Variants in IL1RAPL2 observed in about 807,000 individuals in gnomAD.
The protein encoded by IL1RAPL2 is X-linked interleukin-1 receptor accessory protein-like 2.
In IL1RAPL2, 3 loss-of-function variants were observed where a neutral mutation model predicts 44.1. The ratio of observed to expected loss-of-function variants is 0.07; its 90% CI spans 0.03 to 0.18. The LOEUF is 0.18. Ranked by LOEUF, IL1RAPL2 falls within the 10% of genes least tolerant of loss-of-function variation. The pLI, the probability that IL1RAPL2 is intolerant of heterozygous loss-of-function variation, is 1.00. For synonymous variants in IL1RAPL2, 181 were observed against 178.8 expected, an observed-to-expected ratio of 1.01 and a Z score of -0.10; for missense variants, 391 against 496.4, an observed-to-expected ratio of 0.79 and a Z score of 2.02.
At chrX:105,315,852 C>T (rs1433694404) in intron 5 of IL1RAPL2, among the ~76,000 whole-genome samples, 3 of 107,105 alleles carry the variant, frequency 2.8e-5, no homozygotes, top group Non-Finnish European at 3.9e-5. Context: ...CTCCCTAGCC[C>T]CTGGCAACCA....
intron 2 of IL1RAPL2, among the ~76,000 whole-genome samples, chrX:105,090,918 C>A (rs147595329): frequency 3.1e-3 from 347 of 111,469 alleles, no homozygotes; most frequent in African/African-American, 0.01. Flanking sequence ...CTTTTGTTTT[C>A]TTTAATATGA....
intron 5 of IL1RAPL2, among the ~76,000 whole-genome samples, chrX:105,382,757 T>TA (rs1556304198): frequency 9.6e-6 from 1 of 104,449 alleles, no homozygotes; most frequent in Non-Finnish European, 1.9e-5. Context: ...TAAGAAAATG[T>TA]GCACATAAAC....
At chrX:104,598,462 G>T (rs987907575) in intron 1 of IL1RAPL2, among the ~76,000 whole-genome samples, 9 of 112,102 alleles carry the variant, frequency 8.0e-5, no homozygotes, top group Non-Finnish European at 1.9e-5. Context: ...AATGAGGGGA[G>T]AATTTCACTG....
At chrX:105,627,462 T>G (rs1209513771) in intron 6 of IL1RAPL2, among the ~76,000 whole-genome samples, 2 of 111,439 alleles carry the variant, frequency 1.8e-5, no homozygotes, top group Non-Finnish European at 3.8e-5. Flanking sequence ...AACGCTGCTT[T>G]CAAACTAGAA....
chrX:105,137,808 A>G (rs1461531215), intron 2 of IL1RAPL2, among the ~76,000 whole-genome samples: 13 of 112,310 alleles, frequency 1.2e-4, no homozygotes, highest in Non-Finnish European at 1.1e-4. Flanking sequence ...GTTCACACCT[A>G]TAATCTCAAC....
chrX:104,634,486 T>C (rs1186194310), intron 1 of IL1RAPL2, among the ~76,000 whole-genome samples: 1 of 111,606 alleles, frequency 9.0e-6, no homozygotes, highest in Non-Finnish European at 1.9e-5. Context: ...TCTATGTCTC[T>C]TTGTAGGTCT....
chrX:104,648,908 T>A (rs779131861), intron 1 of IL1RAPL2, among the ~76,000 whole-genome samples: 1 of 111,657 alleles, frequency 9.0e-6, no homozygotes, highest in East Asian at 2.8e-4. Context: ...TAGTTACTTA[T>A]GCCAGTTTTT....
At chrX:105,083,607 A>G (rs116715600) in intron 2 of IL1RAPL2, among the ~76,000 whole-genome samples, 2,210 of 112,046 alleles carry the variant, frequency 0.02, 54 homozygotes, top group African/African-American at 0.068. Flanking sequence ...CCATCAAATT[A>G]ACAGTGGATC....
intron 5 of IL1RAPL2, among the ~76,000 whole-genome samples, chrX:105,453,251 G>A (rs1271813286): frequency 8.9e-6 from 1 of 111,969 alleles, no homozygotes; most frequent in Non-Finnish European, 1.9e-5. Flanking sequence ...CTTTGACACA[G>A]GGTAAACTCT....
chrX:104,950,488 G>A lies in IL1RAPL2; in HGVS notation c.83-244987G>A, dbSNP rs750604239. ...GGCAGGCAGGCCTCCTTGAGCTGTG[G>A]TGGGCTCCACCCATTTCGAGCTTCG... On this transcript the variant is annotated intron_variant, in intron 2 of 10. Transcript: ENST00000372582. Among the ~76,000 whole-genome samples the A allele has an allele frequency of 8.9e-5, 10 of 112,521 alleles. No individual in the cohort carries two copies. The South Asian group carries it at 2.9e-3, about 33-fold the overall frequency.
intron 5 of IL1RAPL2, among the ~76,000 whole-genome samples, chrX:105,452,760 A>T (rs1176612578): frequency 9.0e-6 from 1 of 111,125 alleles, no homozygotes; most frequent in Admixed American, 9.6e-5. Flanking sequence ...TCAATTAAAG[A>T]TTTTTCTATA....
intron 2 of IL1RAPL2, among the ~76,000 whole-genome samples, chrX:104,827,076 T>A (rs1018226269): frequency 9.2e-6 from 1 of 108,755 alleles, no homozygotes; most frequent in East Asian, 2.9e-4. Flanking sequence ...TGACTCTTTA[T>A]CCAATTTGCC....
At chrX:105,298,634 A>T (rs2034672729) in intron 5 of IL1RAPL2, among the ~76,000 whole-genome samples, 1 of 110,290 alleles carries the variant, frequency 9.1e-6, no homozygotes, top group Non-Finnish European at 1.9e-5. Flanking sequence ...AGGAGTGGAT[A>T]TGCAATCTTG....
At chrX:104,721,748 T>C (rs1417359082) in intron 2 of IL1RAPL2, among the ~76,000 whole-genome samples, 1 of 111,534 alleles carries the variant, frequency 9.0e-6, no homozygotes, top group East Asian at 2.8e-4. Flanking sequence ...GATATAAACA[T>C]AGAACTGTGT....
At chrX:105,036,595 G>T (rs1323956519) in intron 2 of IL1RAPL2, among the ~76,000 whole-genome samples, 1 of 112,097 alleles carries the variant, frequency 8.9e-6, no homozygotes, top group African/African-American at 3.2e-5. Context: ...TTCAATGACA[G>T]TTTTTGTTTC....
intron 2 of IL1RAPL2, among the ~76,000 whole-genome samples, chrX:105,130,852 C>T (rs776029860): frequency 6.3e-5 from 7 of 110,950 alleles, no homozygotes; most frequent in Non-Finnish European, 1.3e-4. Flanking sequence ...CTCAAGTACC[C>T]TAGAAGAGCT....
chrX:104,648,559 G>T, intron 1 of IL1RAPL2, among the ~76,000 whole-genome samples: 1 of 111,970 alleles, frequency 8.9e-6, no homozygotes, highest in Non-Finnish European at 1.9e-5. Context: ...GTTAGATGAT[G>T]AGGGATTTAG....
intron 2 of IL1RAPL2, among the ~76,000 whole-genome samples, chrX:104,673,689 A>G (rs1930671782): frequency 9.0e-6 from 1 of 110,595 alleles, no homozygotes; most frequent in Non-Finnish European, 1.9e-5. Context: ...TACCTTGGGC[A>G]GTATGGCCAT....
chrX:104,569,213 T>C (rs181176626), intron 1 of IL1RAPL2, among the ~76,000 whole-genome samples: 1 of 111,886 alleles, frequency 8.9e-6, no homozygotes, highest in African/African-American at 3.2e-5. Flanking sequence ...AGCCTCTGCT[T>C]CCCTCTCTGA....
Sources: gnomAD v4.1 joint callset for allele counts (sites outside exome capture counted in the v4.1 genomes callset) on GRCh38, gnomAD v4.1.1 for gene constraint, MANE v1.5 for transcripts, NCBI Gene and HGNC (gene_info 2026-07-23, HGNC 2026-07-21) for gene names.